SMPD3: variants seen among roughly 807,000 people sequenced by gnomAD.
SMPD3 encodes the protein nSMase-2.
In SMPD3, 21 loss-of-function variants were observed where a neutral mutation model predicts 55.7. The observed-to-expected ratio is 0.38, with a 90% CI of 0.27 to 0.54. SMPD3 has a LOEUF of 0.54. Among genes scored for constraint, SMPD3 ranks in the 20% least tolerant of loss-of-function variants. The pLI is 0.80. For missense variants in SMPD3, 842 were observed against 899.6 expected (o/e 0.94, Z 0.82); for synonymous variants, 457 against 404.3 (o/e 1.13, Z -1.56).
intron 2 of SMPD3, among the ~76,000 whole-genome samples, chr16:68,381,025 G>T (rs569670604): frequency 5.6e-4 from 86 of 152,358 alleles, no homozygotes; most frequent in Admixed American, 3.8e-3. Context: ...AGTTTTCTAT[G>T]CAAAGAACAT....
At chr16:68,400,262 G>A (rs899753512) in intron 1 of SMPD3, among the ~76,000 whole-genome samples, 1 of 152,202 alleles carries the variant, frequency 6.6e-6, no homozygotes, top group African/African-American at 2.4e-5. Flanking sequence ...TGGAGGTGCT[G>A]GAAGCTGTGA....
chr16:68,412,758 A>G (rs2090311759), intron 1 of SMPD3, among the ~76,000 whole-genome samples: 1 of 152,264 alleles, frequency 6.6e-6, no homozygotes, highest in African/African-American at 2.4e-5. Context: ...CCATATTTTC[A>G]TAATGAGGCT....
intron 1 of SMPD3, among the ~76,000 whole-genome samples, chr16:68,436,591 C>T (rs901449550): frequency 9.2e-5 from 14 of 152,194 alleles, no homozygotes; most frequent in African/African-American, 1.7e-4. Flanking sequence ...GAATTCACAA[C>T]GCTCCACTCA....
chr16:68,399,641 G>T (rs1207543017), intron 1 of SMPD3, among the ~76,000 whole-genome samples: 1 of 152,182 alleles, frequency 6.6e-6, no homozygotes, highest in Non-Finnish European at 1.5e-5. Flanking sequence ...GGGGCAAGTG[G>T]GTGGGGAGGA....
intron 1 of SMPD3, among the ~76,000 whole-genome samples, chr16:68,429,037 T>A (rs978890955): frequency 6.6e-6 from 1 of 152,234 alleles, no homozygotes; most frequent in African/African-American, 2.4e-5. Flanking sequence ...CTGCTGGCTA[T>A]ACATTGGGTG....
chr16:68,387,010 G>A (rs1261603965), intron 1 of SMPD3, among the ~76,000 whole-genome samples: 1 of 152,178 alleles, frequency 6.6e-6, no homozygotes, highest in Non-Finnish European at 1.5e-5. Flanking sequence ...GGAGGGTGGG[G>A]AAGAGGTGAA....
rs560204511 is a variant in SMPD3 at position 68,361,702 on chromosome 16, G to T, written c.1767C>A (p.Ser589Arg). Residue 589 changes from serine (S) to arginine (R), a missense_variant, in exon 8 of 9, where the codon AGC (serine) becomes AGA (arginine). Physicochemically the swap from Ser to Arg is moderately radical, Grantham distance 110 (BLOSUM62 -1). Coordinates refer to ENST00000219334, the MANE Select transcript of SMPD3 (RefSeq NM_018667.4). ...GCTCCTTCCGCCCCTTCTGGCCCGA[G>T]CTCTTGCTGGTGGGAAACGCCAGGT... ...REYLAFPTSK[S>R]SGQKGRKELL... is the part of the protein sequence containing the mutation. 1.2e-6 allele frequency: 2 copies of T among 1,613,080 alleles called. No individual in the cohort carries two copies. Among genetic ancestry groups the T allele is most frequent in the Non-Finnish European group, 8.5e-7 (1 of 1,179,968 alleles).
At chr16:68,378,326 CT>C (rs896854069) in intron 2 of SMPD3, among the ~76,000 whole-genome samples, 6 of 152,216 alleles carry the variant, frequency 3.9e-5, no homozygotes, top group African/African-American at 1.4e-4. Context: ...CTTAAGTCAA[CT>C]CGTGGCTGGG....
chr16:68,361,493 G>A (rs1003340187), intron 8 of SMPD3, 110 bp downstream of exon 8: 1 of 1,488,674 alleles, frequency 6.7e-7, no homozygotes, highest in Non-Finnish European at 9.1e-7. Context: ...GGGTATCATT[G>A]TAAGAGTGGC....
At chr16:68,401,456 G>A (rs1226827680) in intron 1 of SMPD3, among the ~76,000 whole-genome samples, 2 of 151,988 alleles carry the variant, frequency 1.3e-5, no homozygotes, top group East Asian at 3.9e-4. Flanking sequence ...GGTGATAGGG[G>A]TATAGGAGGC....
At chr16:68,408,610 T>G (rs190748905) in intron 1 of SMPD3, among the ~76,000 whole-genome samples, 302 of 152,340 alleles carry the variant, frequency 2.0e-3, no homozygotes, top group African/African-American at 7.2e-3. Flanking sequence ...TCATTTCAGG[T>G]CAAGGCCAGG....
intron 2 of SMPD3, among the ~76,000 whole-genome samples, chr16:68,383,393 G>A (rs373848064): frequency 1.3e-5 from 2 of 152,166 alleles, no homozygotes; most frequent in East Asian, 1.9e-4. Flanking sequence ...GTAAAGTTTT[G>A]GAAAGAAAAC....
intron 1 of SMPD3, among the ~76,000 whole-genome samples, chr16:68,400,061 C>G (rs1302298011): frequency 6.6e-6 from 1 of 152,184 alleles, no homozygotes; most frequent in African/African-American, 2.4e-5. Flanking sequence ...AGCATGCTAC[C>G]AAGATCACAG....
chr16:68,423,160 G>A (rs1157375177), intron 1 of SMPD3, among the ~76,000 whole-genome samples: 1 of 152,196 alleles, frequency 6.6e-6, no homozygotes, highest in African/African-American at 2.4e-5. Flanking sequence ...TTTGACCAAG[G>A]TTTTCTGGCC....
intron 1 of SMPD3, among the ~76,000 whole-genome samples, chr16:68,435,667 GC>G (rs2090517943): frequency 6.6e-6 from 1 of 152,214 alleles, no homozygotes; most frequent in Admixed American, 6.5e-5. Context: ...GCCAAGAAGG[GC>G]CTCATCTTCT....
chr16:68,417,321 G>A (rs1425757377), intron 1 of SMPD3, among the ~76,000 whole-genome samples: 1 of 151,984 alleles, frequency 6.6e-6, no homozygotes, highest in Non-Finnish European at 1.5e-5. Flanking sequence ...CAACAAATTC[G>A]CACACACTCA....
chr16:68,361,580 GC>G lies in SMPD3; in HGVS notation c.1866+22del, dbSNP rs775165999. 17 of 1,603,658 alleles carry G rather than the reference GC, an allele frequency of 1.1e-5. No individual in the cohort carries two copies. In the East Asian group the frequency reaches 3.6e-4, roughly 34 times the overall value. On this transcript the variant is annotated intron_variant, in intron 8 of 8. Coordinates refer to ENST00000219334, the MANE Select transcript of SMPD3 (RefSeq NM_018667.4). ...CCTGCTCTCTCTTTGCATGGCCCTG[GC>G]TGCTGGGCCCTCCTGACTCACGGCC...
At position 68,361,086 on chromosome 16, in the gene SMPD3, G is replaced by A; in HGVS notation, c.*120C>T. On this transcript the variant is annotated 3_prime_UTR_variant, in exon 9 of 9. Transcript: ENST00000219334. Reference sequence around the variant, plus strand: ...GCTTCCAGGTTCCCGGGCACTGACTGTGGCTCCCTCCCTGTCCCTGCCCTC... The same window carrying A: ...GCTTCCAGGTTCCCGGGCACTGACTATGGCTCCCTCCCTGTCCCTGCCCTC... The A allele has an allele frequency of 2.2e-6, 2 of 892,216 alleles. No individual in the cohort carries two copies. The highest frequency in any genetic ancestry group is 3.2e-4 in the Middle Eastern group (1 of 3,160). The allele number at this position is 892,216 out of a possible 1,614,324, so 55.3% of individuals were successfully genotyped here. A position where few individuals can be genotyped will look rare whatever the true frequency, so the allele number is the denominator to read the frequency against.
intron 2 of SMPD3, 46 bp from the exon 3 acceptor site, chr16:68,372,433 G>T: frequency 1.8e-6 from 1 of 551,500 alleles, no homozygotes; most frequent in Non-Finnish European, 3.3e-6. Context: ...ATCTTCAGGG[G>T]AGTGGGTCAG....
Sources: gnomAD v4.1 joint callset for allele counts (sites outside exome capture counted in the v4.1 genomes callset) on GRCh38, gnomAD v4.1.1 for gene constraint, MANE v1.5 for transcripts, NCBI Gene and HGNC (gene_info 2026-07-23, HGNC 2026-07-21) for gene names.